Variants in FMNL2 observed in about 807,000 individuals in gnomAD.
FMNL2 encodes formin like 2.
A neutral mutation model predicts 130.2 loss-of-function variants in FMNL2; 51 were observed. That is an observed-to-expected ratio of 0.39 (90% confidence interval 0.31 to 0.49). FMNL2 has a LOEUF of 0.49. Ranked by LOEUF, FMNL2 falls within the 20% of genes least tolerant of loss-of-function variation. FMNL2 has a pLI of 0.85. For missense variants in FMNL2, 977 were observed against 1,316.2 expected (o/e 0.74, Z 3.99); for synonymous variants, 465 against 467.1 (o/e 1.00, Z 0.06).
intron 21 of FMNL2, among the ~76,000 whole-genome samples, chr2:152,635,461 CG>C (rs1682514842): frequency 6.6e-6 from 1 of 152,090 alleles, no homozygotes; most frequent in South Asian, 2.1e-4. Context: ...ACGTCATTTC[CG>C]TAGTCTAAAA....
chr2:152,492,768 G>A (rs1288297261), intron 1 of FMNL2, among the ~76,000 whole-genome samples: 2 of 152,122 alleles, frequency 1.3e-5, no homozygotes, highest in Non-Finnish European at 2.9e-5. Flanking sequence ...TAAGCAGATC[G>A]GTTATCGTTC....
intron 1 of FMNL2, among the ~76,000 whole-genome samples, chr2:152,449,672 T>G (rs980281026): frequency 6.6e-6 from 1 of 152,212 alleles, no homozygotes; most frequent in Admixed American, 6.5e-5. Context: ...TTTTCACTGC[T>G]TGGTTACCTA....
chr2:152,512,689 G>T (rs1204356247), intron 1 of FMNL2, among the ~76,000 whole-genome samples: 2 of 152,134 alleles, frequency 1.3e-5, no homozygotes, highest in Non-Finnish European at 2.9e-5. Context: ...GAGATTTAGG[G>T]AATTCATTTT....
Position 152,443,672 on chromosome 2 carries a change from G to A in FMNL2, c.118-78271G>A, listed in dbSNP as rs141162076. Among the ~76,000 whole-genome samples, 873 of 151,838 alleles carry A rather than the reference G, an allele frequency of 5.7e-3. 11 individuals carry two copies. The highest frequency in any genetic ancestry group is 0.02 in the African/African-American group (846 of 41,432). On this transcript the variant is annotated intron_variant, in intron 1 of 25. Transcript: ENST00000288670. ...AGGCTAACCAACACAGTGAAACCCC[G>A]TCTCTACGAAAAATACAAAAGTTAG...
intron 1 of FMNL2, among the ~76,000 whole-genome samples, chr2:152,364,637 T>G (rs1683408422): frequency 6.6e-6 from 1 of 152,154 alleles, no homozygotes; most frequent in Admixed American, 6.5e-5. Context: ...CCTGGCAAAA[T>G]GGTAAATTGT....
intron 1 of FMNL2, among the ~76,000 whole-genome samples, chr2:152,354,444 T>A (rs34581620): frequency 0.088 from 13,376 of 152,166 alleles, 662 homozygotes; most frequent in African/African-American, 0.14. Context: ...CCATCTGACT[T>A]GATCTAGGAG....
At chr2:152,389,483 G>T (rs912412710) in intron 1 of FMNL2, among the ~76,000 whole-genome samples, 1 of 152,198 alleles carries the variant, frequency 6.6e-6, no homozygotes, top group African/African-American at 2.4e-5. Context: ...GAATTTTGAG[G>T]AGACACATTC....
chr2:152,344,101 A>G (rs1277866233), intron 1 of FMNL2, among the ~76,000 whole-genome samples: 1 of 152,144 alleles, frequency 6.6e-6, no homozygotes, highest in Non-Finnish European at 1.5e-5. Flanking sequence ...GCAGTGAGCT[A>G]TGATCATGCC....
chr2:152,356,433 G>A (rs899900425), intron 1 of FMNL2, among the ~76,000 whole-genome samples: 1 of 152,168 alleles, frequency 6.6e-6, no homozygotes, highest in African/African-American at 2.4e-5. Context: ...CTGGCTAGAG[G>A]TCATTTAATT....
At chr2:152,608,238 G>A (rs1334404833) in intron 10 of FMNL2, among the ~76,000 whole-genome samples, 3 of 151,694 alleles carry the variant, frequency 2.0e-5, no homozygotes, top group Non-Finnish European at 2.9e-5. Context: ...TGAAGCAGAC[G>A]TACCAATGAC....
intron 9 of FMNL2, among the ~76,000 whole-genome samples, chr2:152,600,041 C>T (rs1697968836): frequency 6.6e-6 from 1 of 152,188 alleles, no homozygotes; most frequent in Admixed American, 6.5e-5. Flanking sequence ...TTATGGCCCT[C>T]ATATAGCCCT....
At chr2:152,399,335 G>C (rs573742212) in intron 1 of FMNL2, among the ~76,000 whole-genome samples, 5 of 152,352 alleles carry the variant, frequency 3.3e-5, no homozygotes, top group African/African-American at 1.2e-4. Context: ...TTGAAATGAT[G>C]GTTGAAAGGG....
intron 10 of FMNL2, among the ~76,000 whole-genome samples, chr2:152,611,010 A>C (rs1698647837): frequency 6.6e-6 from 1 of 152,114 alleles, no homozygotes; most frequent in African/African-American, 2.4e-5. Flanking sequence ...TTATTGTGGT[A>C]CCTCTGTGAC....
At chr2:152,570,667 C>T (rs1696123002) in intron 6 of FMNL2, among the ~76,000 whole-genome samples, 1 of 152,156 alleles carries the variant, frequency 6.6e-6, no homozygotes, top group Non-Finnish European at 1.5e-5. Flanking sequence ...TGAGGGAGTC[C>T]TTTCCAATCC....
At chr2:152,508,592 G>A (rs537496366) in intron 1 of FMNL2, among the ~76,000 whole-genome samples, 1 of 152,332 alleles carries the variant, frequency 6.6e-6, no homozygotes, top group African/African-American at 2.4e-5. Context: ...GGGCGGAGTT[G>A]TTATAGAATG....
intron 7 of FMNL2, among the ~76,000 whole-genome samples, chr2:152,578,333 C>T (rs931012343): frequency 3.3e-5 from 5 of 152,174 alleles, no homozygotes; most frequent in Admixed American, 6.5e-5. Flanking sequence ...AGCATAAAGT[C>T]TGTTAACACA....
chr2:152,498,430 TA>T (rs979462627), intron 1 of FMNL2, among the ~76,000 whole-genome samples: 1 of 151,996 alleles, frequency 6.6e-6, no homozygotes, highest in Non-Finnish European at 1.5e-5. Flanking sequence ...CCATTTTTTT[TA>T]AAAAAATGCC....
At chr2:152,551,009 C>T (rs1333585434) in intron 4 of FMNL2, among the ~76,000 whole-genome samples, 1 of 151,780 alleles carries the variant, frequency 6.6e-6, no homozygotes, top group Non-Finnish European at 1.5e-5. Flanking sequence ...CATGGTGGTG[C>T]GTGCTTGTAG....
Position 152,625,441 on chromosome 2 carries a change from T to G in FMNL2, c.1841T>G (p.Val614Gly). Residue 614 changes from valine to glycine, a missense_variant, in exon 16 of 26, where the codon GTG becomes GGG. Coordinates refer to ENST00000288670, the MANE Select transcript of FMNL2 (RefSeq NM_052905.4). ...TVVFNSGLAAVKIKKPIKTKF... is the reference protein window; with the variant it reads ...TVVFNSGLAAGKIKKPIKTKF... ...CCATTCTCTTTGATGTCTTTAGCTG[T>G]GAAAATTAAGAAGCCAATCAAGACG... 6.2e-7 allele frequency: 1 copy of G among 1,604,936 alleles called. No individual in the cohort carries two copies. Among genetic ancestry groups the G allele is most frequent in the Non-Finnish European group, 8.5e-7 (1 of 1,172,702 alleles).
Sources: allele counts gnomAD v4.1 joint callset (sites outside exome capture counted in the v4.1 genomes callset), GRCh38; gene constraint gnomAD v4.1.1; transcripts MANE v1.5; gene names NCBI Gene and HGNC (gene_info 2026-07-23, HGNC 2026-07-21).